The following DNAH11 variants were observed in gnomAD, a reference collection of about 807,000 sequenced individuals.
DNAH11 encodes axonemal beta dynein heavy chain 11.
In DNAH11, 442 loss-of-function variants were observed where a neutral mutation model predicts 526.0. The observed-to-expected ratio is 0.84, with a 90% CI of 0.78 to 0.91. The LOEUF (loss-of-function observed/expected upper bound fraction) is 0.91. Ranked by LOEUF, DNAH11 falls within the 40% of genes least tolerant of loss-of-function variation. The pLI is 0.00. For synonymous variants in DNAH11, 2,461 were observed against 1,935.9 expected, an observed-to-expected ratio of 1.27 and a Z score of -7.12; for missense variants, 6,989 against 5,448.7, an observed-to-expected ratio of 1.28 and a Z score of -8.90.
At chr7:21,714,718 C>G (rs903913914) in intron 42 of DNAH11, among the ~76,000 whole-genome samples, 1 of 152,192 alleles carries the variant, frequency 6.6e-6, no homozygotes, top group African/African-American at 2.4e-5. Context: ...GCCAGAGACG[C>G]TTTTCCTGCA....
Position 21,711,790 on chromosome 7 carries a change from A to G in DNAH11, c.6913A>G (p.Ser2305Gly). 2 of 1,613,848 alleles carry G rather than the reference A, an allele frequency of 1.2e-6. No individual in the cohort carries two copies. The highest frequency in any genetic ancestry group is 1.7e-6 in the Non-Finnish European group (2 of 1,179,822). ...RLLFEIHHLRSATPATVSRAG... is the reference protein window; with the variant it reads ...RLLFEIHHLRGATPATVSRAG... ...TCTGTTTGAGATACATCACTTAAGG[A>G]GCGCAACCCCGGCCACTGTTTCCAG... is the stretch of plus-strand genomic sequence containing the variant. Residue 2305 changes from serine (S) to glycine (G), a missense_variant, in exon 42 of 82, where the codon AGC (serine) becomes GGC (glycine). Physicochemically the swap from Ser to Gly is moderately conservative, Grantham distance 56. Coordinates refer to ENST00000409508, the MANE Select transcript of DNAH11 (RefSeq NM_001277115.2).
rs764262245 is a variant in DNAH11, at chr7:21,884,408, C to T, written c.12505C>T (p.Leu4169=). ...VYLEEFMNPS[L]TEDELMLAPG... ...TTTAGAAGAATTCATGAATCCATCT[C>T]TGGTAAGACATTTGTAAATTAATTT... Residue 4169 remains leucine (L), a splice_region_variant and synonymous_variant, in exon 76 of 82, where the codon CTG becomes TTG. Coordinates refer to ENST00000409508, the MANE Select transcript of DNAH11 (RefSeq NM_001277115.2). The T allele has an allele frequency of 1.0e-5, 16 of 1,597,292 alleles. No individual in the cohort carries two copies. The highest frequency in any genetic ancestry group is 3.5e-5 in the South Asian group (3 of 86,616).
At chr7:21,863,196 A>G (rs934277016) in intron 69 of DNAH11, among the ~76,000 whole-genome samples, 1 of 152,122 alleles carries the variant, frequency 6.6e-6, no homozygotes, top group African/African-American at 2.4e-5. Context: ...GTCTTTTTCT[A>G]TCCAAATGTT....
chr7:21,637,476 T>C (rs1019866866), intron 26 of DNAH11, 135 bp from the exon 27 acceptor site: 2 of 658,308 alleles, frequency 3.0e-6, no homozygotes, highest in African/African-American at 3.6e-5. Flanking sequence ...ACAGATGTGG[T>C]GTCAGACATT....
chr7:21,559,681 T>G lies in DNAH11; in HGVS notation c.771T>G (p.Ile257Met). The G allele has an allele frequency of 6.2e-7, 1 of 1,611,742 alleles. No individual in the cohort carries two copies. Among genetic ancestry groups the G allele is most frequent in the Non-Finnish European group, 8.5e-7 (1 of 1,178,968 alleles). ...VIEWSHQIQEIIERDSVQRLL... is the reference protein window; with the variant it reads ...VIEWSHQIQEMIERDSVQRLL... ...AATGGTCACATCAAATCCAAGAAAT[T>G]ATAGAAAGAGATTCAGTGCAGCGTT... The change falls in exon 4 of 82, where the codon ATT becomes ATG. Residue 257 changes from isoleucine (I) to methionine (M), a missense_variant. By Grantham distance (10) the Ile-to-Met change is conservative. Transcript: ENST00000409508.
At chr7:21,557,496 A>G (rs1455288050) in intron 2 of DNAH11, among the ~76,000 whole-genome samples, 3 of 152,274 alleles carry the variant, frequency 2.0e-5, no homozygotes, top group African/African-American at 7.2e-5. Flanking sequence ...ATGTCTTCAC[A>G]TGGTGGAAGG....
At chr7:21,699,899 C>A (rs551717319) in intron 36 of DNAH11, among the ~76,000 whole-genome samples, 2 of 151,804 alleles carry the variant, frequency 1.3e-5, no homozygotes, top group East Asian at 1.9e-4. Context: ...GAAACAAACA[C>A]CCAGATTTCT....
chr7:21,836,469 A>G (rs1216549191), intron 65 of DNAH11, among the ~76,000 whole-genome samples: 2 of 152,134 alleles, frequency 1.3e-5, no homozygotes, highest in African/African-American at 2.4e-5. Context: ...ATTTTCAACA[A>G]AGTTACCAAG....
intron 68 of DNAH11, among the ~76,000 whole-genome samples, chr7:21,857,670 C>T (rs1782905082): frequency 6.6e-6 from 1 of 152,020 alleles, no homozygotes; most frequent in Admixed American, 6.6e-5. Flanking sequence ...CCGAGGTACA[C>T]CCACAAATGC....
intron 35 of DNAH11, among the ~76,000 whole-genome samples, chr7:21,692,651 A>G (rs938539025): frequency 3.3e-5 from 5 of 152,196 alleles, no homozygotes; most frequent in Non-Finnish European, 2.9e-5. Context: ...CGATGTTTAC[A>G]TGAACATATA....
intron 3 of DNAH11, 97 bp downstream of exon 3, chr7:21,559,095 GGGA>G: frequency 9.5e-7 from 1 of 1,050,210 alleles, no homozygotes; most frequent in Middle Eastern, 2.9e-4. Context: ...AGGCTGAGGT[GGGA>G]GGGTTGCTTG....
At chr7:21,730,306 C>T (rs1222868233) in intron 45 of DNAH11, among the ~76,000 whole-genome samples, 1 of 152,106 alleles carries the variant, frequency 6.6e-6, no homozygotes, top group Non-Finnish European at 1.5e-5. Context: ...ATCTCTAATT[C>T]AGAAATCTAA....
intron 21 of DNAH11, among the ~76,000 whole-genome samples, chr7:21,615,885 A>T (rs143121976): frequency 1.7e-4 from 26 of 152,336 alleles, no homozygotes; most frequent in African/African-American, 5.8e-4. Context: ...TTACATGTAG[A>T]ATTATAAAAG....
intron 66 of DNAH11, among the ~76,000 whole-genome samples, chr7:21,844,623 G>T (rs758683084): frequency 2.0e-5 from 3 of 152,108 alleles, no homozygotes; most frequent in Non-Finnish European, 2.9e-5. Flanking sequence ...TCAAACTGGG[G>T]GTCCTGGAAC....
chr7:21,623,156 A>G (rs1275333200), intron 25 of DNAH11, among the ~76,000 whole-genome samples: 1 of 152,224 alleles, frequency 6.6e-6, no homozygotes, highest in Non-Finnish European at 1.5e-5. Flanking sequence ...TGGGCGAAGG[A>G]CATGAACAGA....
At chr7:21,611,520 C>T (rs1017015054) in intron 20 of DNAH11, among the ~76,000 whole-genome samples, 2 of 152,108 alleles carry the variant, frequency 1.3e-5, no homozygotes, top group Admixed American at 6.5e-5. Flanking sequence ...TCTGGAGAAC[C>T]GTGACTAATA....
intron 55 of DNAH11, among the ~76,000 whole-genome samples, chr7:21,767,631 G>A (rs114260821): frequency 1.7e-3 from 258 of 152,246 alleles, no homozygotes; most frequent in African/African-American, 5.7e-3. Context: ...CAAAACAAAT[G>A]AGTCAGATGA....
intron 1 of DNAH11, 149 bp downstream of exon 1, chr7:21,543,745 C>A: frequency 1.3e-6 from 1 of 763,890 alleles, no homozygotes; most frequent in Non-Finnish European, 2.1e-6. Context: ...GCCCGCAGGA[C>A]TCCTCCCCAC....
In DNAH11 at chr7:21,591,504, A is replaced by G. The variant is rs906629945; in HGVS notation, c.2594A>G (p.Asp865Gly). ...CGAGAGGCAGCCTTCACCTTGGAGG[A>G]CAAGGGTGATTTGTTTACAAAAAAA... ...HRREAAFTLEDKGDLFTKKYK... is the reference protein window; with the variant it reads ...HRREAAFTLEGKGDLFTKKYK... The change falls in exon 14 of 82, where the codon GAC becomes GGC. Residue 865 changes from aspartate to glycine, a missense_variant. Transcript: ENST00000409508. 1.9e-6 allele frequency: 3 copies of G among 1,608,350 alleles called. No homozygotes were observed. The highest frequency in any genetic ancestry group is 2.2e-5 in the East Asian group (1 of 44,752).
Sources: gnomAD v4.1 joint callset for allele counts (sites outside exome capture counted in the v4.1 genomes callset) on GRCh38, gnomAD v4.1.1 for gene constraint, MANE v1.5 for transcripts, NCBI Gene and HGNC (gene_info 2026-07-23, HGNC 2026-07-21) for gene names.